The following CGN variants were observed in gnomAD, a reference collection of about 807,000 sequenced individuals.
CGN encodes the protein cingulin.
In CGN, 121 loss-of-function variants were observed where a neutral mutation model predicts 157.1. That is an observed-to-expected ratio of 0.77 (90% CI 0.66 to 0.90). The LOEUF is 0.90. Ranked by LOEUF, CGN falls within the 40% of genes least tolerant of loss-of-function variation. The pLI is 0.00. For missense variants in CGN, 1,424 were observed against 1,520.9 expected (o/e 0.94, Z 1.06); for synonymous variants, 535 against 607.5 (o/e 0.88, Z 1.76).
intron 10 of CGN, chr1:151,527,914 T>C: frequency 3.4e-6 from 1 of 295,582 alleles, no homozygotes; most frequent in South Asian, 2.9e-5. Context: ...TTGCATGCAG[T>C]TGGAGATCCC....
chr1:151,526,302 C>T (rs1476834757), intron 9 of CGN, among the ~76,000 whole-genome samples: 1 of 151,688 alleles, frequency 6.6e-6, no homozygotes, highest in Admixed American at 6.6e-5. Context: ...CCTCAGCCTC[C>T]CGAGTAGCTG....
Position 151,529,491 on chromosome 1 carries a change from G to C in CGN, c.2038G>C (p.Glu680Gln). ...CGAGGCTGATCGAGGTCGGGAGCTG[G>C]AAGAACAGAACCTCCAGCTACAAAA... ...RVEADRGREL[E>Q]EQNLQLQKTL... Residue 680 changes from glutamate to glutamine, a missense_variant, in exon 11 of 21, where the codon GAA (glutamate) becomes CAA (glutamine). Around this residue, in one of 3 missense-constraint regions of CGN, gnomAD observed 1,187 missense variants for 1,217.6 expected, o/e 0.97. Transcript: ENST00000271636. 6.2e-7 allele frequency: 1 copy of C among 1,613,968 alleles called. No homozygotes were observed. Among genetic ancestry groups the C allele is most frequent in the South Asian group, 1.1e-5 (1 of 91,064 alleles).
chr1:151,516,067 A>G (rs1278522904), intron 1 of CGN, among the ~76,000 whole-genome samples: 1 of 152,148 alleles, frequency 6.6e-6, no homozygotes, highest in African/African-American at 2.4e-5. Context: ...TTCTCTTGAG[A>G]ATTGCTGGGA....
At chr1:151,521,279 G>T (rs899173519) in intron 5 of CGN, among the ~76,000 whole-genome samples, 5 of 152,290 alleles carry the variant, frequency 3.3e-5, no homozygotes, top group Admixed American at 1.3e-4. Flanking sequence ...ATATTGGTTT[G>T]TGTGTAGTTG....
intron 13 of CGN, 74 bp from the exon 14 acceptor site, chr1:151,532,328 G>A (rs537019242): frequency 1.4e-5 from 16 of 1,176,394 alleles, no homozygotes; most frequent in African/African-American, 3.2e-5. Flanking sequence ...ACCCTTAGGG[G>A]AGAGTCTTGG....
In CGN at chr1:151,511,396, C is replaced by T. The variant is rs1291377904; in HGVS notation, c.-134C>T. 4 of 154,160 alleles carry T rather than the reference C, an allele frequency of 2.6e-5. No homozygotes were observed. Among genetic ancestry groups the T allele is most frequent in the Non-Finnish European group, 1.4e-5 (1 of 69,482 alleles). The allele number at this position is 154,160 out of a possible 1,614,324, so 9.5% of individuals were successfully genotyped here. A position where few individuals can be genotyped will look rare whatever the true frequency, so the allele number is the denominator to read the frequency against. The stretch of plus-strand genomic sequence containing the variant: ...GGGAGGGAGAGAAAGGAGGGAGCTC[C>T]GAGGACGAGGGGGAGGGCCGGAGCT... On this transcript the variant is annotated 5_prime_UTR_variant, in exon 1 of 21. Transcript: ENST00000271636. The surrounding 1 kb of genome is among the most constrained non-coding windows in gnomAD (Gnocchi z 4.8).
At chr1:151,531,157 G>A (rs1282540442) in intron 13 of CGN, among the ~76,000 whole-genome samples, 3 of 151,258 alleles carry the variant, frequency 2.0e-5, no homozygotes, top group African/African-American at 7.3e-5. Flanking sequence ...AAAAAAAAAA[G>A]AATGTGTGAT....
intron 13 of CGN, 110 bp downstream of exon 13, chr1:151,530,856 TATGGCCAGGTG>T: frequency 8.5e-7 from 1 of 1,178,956 alleles, no homozygotes; most frequent in Non-Finnish European, 1.2e-6. Context: ...GTGTGATGAT[TATGGCCAGGTG>T]CGGTGACTCA....
In CGN at chr1:151,526,999, G is replaced by A. The variant is rs1664696407; in HGVS notation, c.1788G>A (p.Lys596=). ...KQELLQLRME[K]EEMEEELGEK... Reference sequence around the variant, plus strand: ...GACTCCTGCAGCTGCGAATGGAGAAGGAGGAGATGGAAGAGGAGCTTGGAG... The same window carrying A: ...GACTCCTGCAGCTGCGAATGGAGAAAGAGGAGATGGAAGAGGAGCTTGGAG... The change falls in exon 10 of 21, where the codon AAG becomes AAA. Residue 596 remains lysine, a synonymous_variant. Coordinates refer to ENST00000271636, the MANE Select transcript of CGN (RefSeq NM_020770.3). The A allele has an allele frequency of 1.2e-6, 2 of 1,614,186 alleles. No individual in the cohort carries two copies. Among genetic ancestry groups the A allele is most frequent in the African/African-American group, 2.7e-5 (2 of 75,052 alleles).
At chr1:151,532,215 G>T (rs576271619) in intron 13 of CGN, among the ~76,000 whole-genome samples, 187 bp from the exon 14 acceptor site, 1 of 152,170 alleles carries the variant, frequency 6.6e-6, no homozygotes, top group Admixed American at 6.5e-5. Context: ...CCAGTAAGTG[G>T]TAGAGCCAGG....
At position 151,536,306 on chromosome 1, in the gene CGN, T is replaced by C. The variant is rs1664967767; in HGVS notation, c.3267T>C (p.Ile1089=). The C allele has an allele frequency of 6.2e-7, 1 of 1,612,670 alleles. No individual in the cohort carries two copies. The highest frequency in any genetic ancestry group is 1.7e-5 in the Admixed American group (1 of 59,986). The part of the protein sequence containing the change: ...ERKVKELSIQ[I]EDERQHVNDQ... ...AAGTTAAAGAACTATCCATCCAGAT[T>C]GAAGACGAGCGGCAGCATGTCAATG... Residue 1089 remains isoleucine, a synonymous_variant, in exon 19 of 21, where the codon ATT becomes ATC. Coordinates refer to ENST00000271636, the MANE Select transcript of CGN (RefSeq NM_020770.3).
At position 151,524,607 on chromosome 1, in the gene CGN, CAG is replaced by C; in HGVS notation, c.1402-66_1402-65del. The C allele has an allele frequency of 5.0e-6, 7 of 1,388,148 alleles. No individual in the cohort carries two copies. The highest frequency in any genetic ancestry group is 6.9e-6 in the Non-Finnish European group (7 of 1,009,190). The allele number at this position is 1,388,148 out of a possible 1,614,324, so 86.0% of individuals were successfully genotyped here. ...CTAATACGATAAATATTTTTTGACT[CAG>C]TGAATTGATAAACAGATGGATTCTA... On this transcript the variant is annotated intron_variant, in intron 7 of 20. Transcript: ENST00000271636. The surrounding 1 kb of genome is among the most constrained non-coding windows in gnomAD (Gnocchi z 4.4).
Position 151,524,115 on chromosome 1 carries a change from C to T in CGN, c.1269-111C>T. On this transcript the variant is annotated intron_variant, in intron 6 of 20. Coordinates refer to ENST00000271636, the MANE Select transcript of CGN (RefSeq NM_020770.3). The surrounding 1 kb of genome is among the most constrained non-coding windows in gnomAD (Gnocchi z 4.4). ...TTGCAAAAATCAGGGGAGGCCTCAT[C>T]AAGATTTGAAGGAAGGAAGTTTAAA... The T allele has an allele frequency of 9.1e-7, 1 of 1,097,134 alleles. No homozygotes were observed. The highest frequency in any genetic ancestry group is 2.2e-4 in the Middle Eastern group (1 of 4,548). 68.0% of individuals were successfully genotyped at this position (1,097,134 alleles called of 1,614,324 possible). A position where few individuals can be genotyped will look rare whatever the true frequency, so the allele number is the denominator to read the frequency against.
At chr1:151,510,753 G>A (rs1188313344), upstream of CGN, among the ~76,000 whole-genome samples, 2 of 152,100 alleles carry the variant, frequency 1.3e-5, no homozygotes, top group African/African-American at 4.8e-5. Context: ...TAGGACGGGA[G>A]GCAAAATGAT....
intron 15 of CGN, 46 bp downstream of exon 15, chr1:151,534,182 A>G: frequency 6.6e-7 from 1 of 1,524,248 alleles, no homozygotes; most frequent in East Asian, 2.5e-5. Context: ...TGGGACTTCC[A>G]AGCCTCTTTC....
Position 151,527,483 on chromosome 1 carries a change from C to T in CGN, c.1896+376C>T, listed in dbSNP as rs149680443. Among the ~76,000 whole-genome samples, 278 of 152,164 alleles carry T rather than the reference C, an allele frequency of 1.8e-3. 3 individuals carry two copies. Among genetic ancestry groups the T allele is most frequent in the African/African-American group, 6.4e-3 (266 of 41,516 alleles). On this transcript the variant is annotated intron_variant, in intron 10 of 20. Coordinates refer to ENST00000271636, the MANE Select transcript of CGN (RefSeq NM_020770.3). ...TGTCTTTCAGAGGGGTCTCTAACTA[C>T]ATTTATGAAAAAATGTTTACCATTA...
At chr1:151,519,440 T>C in intron 2 of CGN, 48 bp downstream of exon 2, 1 of 1,492,238 alleles carries the variant, frequency 6.7e-7, no homozygotes, top group Non-Finnish European at 8.9e-7. Flanking sequence ...CCCTTCTCCC[T>C]TCTCATCAGC....
intron 5 of CGN, among the ~76,000 whole-genome samples, chr1:151,522,122 T>C (rs1571659509): frequency 6.6e-6 from 1 of 150,590 alleles, no homozygotes; most frequent in African/African-American, 2.4e-5. Flanking sequence ...TACAAAAAAT[T>C]AGCCAGATGT....
intron 1 of CGN, among the ~76,000 whole-genome samples, chr1:151,516,502 T>G (rs533911663): frequency 6.6e-5 from 10 of 151,390 alleles, no homozygotes; most frequent in Non-Finnish European, 1.2e-4. Context: ...GGCTCTCAGC[T>G]GAGACAAGTT....
Sources: gnomAD v4.1 joint callset for allele counts (sites outside exome capture counted in the v4.1 genomes callset) on GRCh38, gnomAD v4.1.1 for gene constraint, gnomAD v4.1.1 regional missense constraint, Gnocchi (gnomAD v3.1) non-coding constraint, MANE v1.5 for transcripts, NCBI Gene and HGNC (gene_info 2026-07-23, HGNC 2026-07-21) for gene names.